The following DCP1A variants were observed in gnomAD, a reference collection of about 807,000 sequenced individuals.
The protein encoded by DCP1A is mRNA-decapping enzyme 1A.
Under a neutral mutation model 58.0 loss-of-function variants are expected in DCP1A, and 20 were observed. The observed-to-expected ratio is 0.34, with a 90% CI of 0.24 to 0.50. The LOEUF (loss-of-function observed/expected upper bound fraction) is 0.50, where lower values mean the gene tolerates loss of function less well. DCP1A is among the 20% of genes least tolerant of loss of function. The probability of loss-of-function intolerance (pLI) is 0.98; values close to 1 mark genes in which losing one functional copy is unlikely to be tolerated. For missense variants in DCP1A, 613 were observed against 712.2 expected (o/e 0.86, Z 1.59); for synonymous variants, 285 against 275.1 (o/e 1.04, Z -0.36).
At chr3:53,300,374 G>A (rs1364578184) in intron 6 of DCP1A, among the ~76,000 whole-genome samples, 2 of 128,474 alleles carry the variant, frequency 1.6e-5, no homozygotes, top group South Asian at 4.6e-4. Flanking sequence ...TTTCACTCTT[G>A]TTGGCCAGGC....
intron 6 of DCP1A, among the ~76,000 whole-genome samples, chr3:53,301,950 G>A (rs1393278323): frequency 6.6e-6 from 1 of 152,172 alleles, no homozygotes; most frequent in East Asian, 1.9e-4. Flanking sequence ...AAACGATGGC[G>A]GGATCGGGGA....
At chr3:53,315,066 C>CT (rs1310592208) in intron 4 of DCP1A, among the ~76,000 whole-genome samples, 1 of 152,138 alleles carries the variant, frequency 6.6e-6, no homozygotes, top group Non-Finnish European at 1.5e-5. Flanking sequence ...GGCTTGGACT[C>CT]TAAGGCCTCT....
At chr3:53,322,992 C>T (rs4404439) in intron 3 of DCP1A, among the ~76,000 whole-genome samples, 107,536 of 151,822 alleles carry the variant, frequency 0.71, 38,688 homozygotes, top group Non-Finnish European at 0.77. Context: ...ACCCGGCTAA[C>T]TTTTTGTATT....
chr3:53,301,218 A>G (rs1553687368), intron 6 of DCP1A, among the ~76,000 whole-genome samples: 1 of 152,154 alleles, frequency 6.6e-6, no homozygotes, highest in East Asian at 1.9e-4. Context: ...TTTTGGATAC[A>G]TTGTTGATGT....
At chr3:53,316,272 G>A (rs1156838309) in intron 4 of DCP1A, among the ~76,000 whole-genome samples, 1 of 152,208 alleles carries the variant, frequency 6.6e-6, no homozygotes, top group Non-Finnish European at 1.5e-5. Context: ...ACAGGTTTAT[G>A]CAGGCAGATT....
chr3:53,289,744 C>T (rs1706784223), intron 8 of DCP1A, among the ~76,000 whole-genome samples: 2 of 151,972 alleles, frequency 1.3e-5, no homozygotes, highest in African/African-American at 4.8e-5. Context: ...AGGCTAATTC[C>T]AGCTAATTAT....
chr3:53,306,966 C>T (rs184539557), intron 5 of DCP1A, among the ~76,000 whole-genome samples: 91 of 131,900 alleles, frequency 6.9e-4, no homozygotes, highest in Admixed American at 1.5e-3. Context: ...GGACTGAGTC[C>T]TGCTCTGTCA....
chr3:53,287,641 C>G lies in DCP1A; in HGVS notation c.1688G>C (p.Ser563Thr). 6.2e-7 allele frequency: 1 copy of G among 1,611,516 alleles called. No individual in the cohort carries two copies. The highest frequency in any genetic ancestry group is 8.5e-7 in the Non-Finnish European group (1 of 1,177,852). ...CTGCAAGTAGACTTCATGAAGTGTA[C>G]TGAGGAAGCTGGAATCATTCTAGAA... Reference protein sequence around the residue: ...HLIKNDSSFLSTLHEVYLQVL... With the variant: ...HLIKNDSSFLTTLHEVYLQVL... The change falls in exon 10 of 10, where the codon AGT becomes ACT. Residue 563 changes from serine (S) to threonine (T), a missense_variant. By Grantham distance (58) the Ser-to-Thr change is moderately conservative (BLOSUM62 1). Coordinates refer to ENST00000610213, the MANE Select transcript of DCP1A (RefSeq NM_018403.7).
At chr3:53,326,950 G>A (rs1479517112) in intron 3 of DCP1A, among the ~76,000 whole-genome samples, 1 of 150,470 alleles carries the variant, frequency 6.6e-6, no homozygotes, top group Non-Finnish European at 1.5e-5. Context: ...AATGATTACG[G>A]TTCTGCCAAA....
intron 3 of DCP1A, among the ~76,000 whole-genome samples, chr3:53,340,162 C>G (rs1553692381): frequency 1.3e-5 from 2 of 152,286 alleles, no homozygotes; most frequent in East Asian, 3.9e-4. Context: ...TGGGCTCAAG[C>G]AATCTGCTTG....
At chr3:53,312,921 C>A (rs1231754923) in intron 4 of DCP1A, among the ~76,000 whole-genome samples, 2 of 152,102 alleles carry the variant, frequency 1.3e-5, no homozygotes, top group Non-Finnish European at 2.9e-5. Flanking sequence ...ATACAGAATT[C>A]CTTCCTAGAG....
At position 53,318,857 on chromosome 3, in the gene DCP1A, T is replaced by G. The variant is rs2106849370; in HGVS notation, c.371+550A>C. On this transcript the variant is annotated intron_variant, in intron 4 of 9. Transcript: ENST00000610213. ...AATACAGATGTGTGTATGAGTTCTC[T>G]ATCAGGCTATCACATATGGTATCAC... Among the ~76,000 whole-genome samples, 4 of 152,350 alleles carry G rather than the reference T, an allele frequency of 2.6e-5. No homozygotes were observed. The South Asian group carries it at 8.3e-4, about 32-fold the overall frequency.
At chr3:53,298,818 T>A (rs1707218789) in intron 6 of DCP1A, among the ~76,000 whole-genome samples, 1 of 152,266 alleles carries the variant, frequency 6.6e-6, no homozygotes. Flanking sequence ...TGGTCAATGA[T>A]GGACTGCATA....
At chr3:53,332,575 A>C (rs1326815652) in intron 3 of DCP1A, among the ~76,000 whole-genome samples, 2 of 152,040 alleles carry the variant, frequency 1.3e-5, no homozygotes, top group Non-Finnish European at 2.9e-5. Context: ...ATTCTATTGA[A>C]ATTTCTAGGC....
chr3:53,326,980 C>A (rs1013300590), intron 3 of DCP1A, among the ~76,000 whole-genome samples: 10 of 149,780 alleles, frequency 6.7e-5, no homozygotes, highest in South Asian at 2.1e-4. Context: ...TGTCCAACCC[C>A]CCCCCCCCAA....
chr3:53,283,907 G>A lies in DCP1A; in HGVS notation c.*3673C>T, dbSNP rs1278628858. On this transcript the variant is annotated 3_prime_UTR_variant, in exon 10 of 10. Transcript: ENST00000610213. ...CATCTGTTGAATTTGCTGAAAAACA[G>A]GCTCCTCAAGGCCCTGGTCCACTCG... The A allele has an allele frequency of 4.6e-5, 7 of 152,168 alleles. No homozygotes were observed. The highest frequency in any genetic ancestry group is 1.3e-4 in the Admixed American group (2 of 15,266). The allele number at this position is 152,168 out of a possible 1,614,324, so 9.4% of individuals were successfully genotyped here.
intron 3 of DCP1A, among the ~76,000 whole-genome samples, chr3:53,326,510 G>C (rs748166434): frequency 2.0e-5 from 3 of 152,218 alleles, no homozygotes; most frequent in Non-Finnish European, 4.4e-5. Context: ...TTAGGAACCA[G>C]GCTGCACAGC....
chr3:53,308,445 C>A (rs554936855), intron 5 of DCP1A, among the ~76,000 whole-genome samples: 8 of 152,098 alleles, frequency 5.3e-5, no homozygotes, highest in Admixed American at 2.0e-4. Context: ...GTGCACACCA[C>A]CACACCTGGC....
chr3:53,305,497 G>A (rs570139056), intron 5 of DCP1A, among the ~76,000 whole-genome samples: 20 of 151,922 alleles, frequency 1.3e-4, no homozygotes, highest in Non-Finnish European at 2.6e-4. Flanking sequence ...TTACAGGCGC[G>A]CGCCACCACA....
Sources: allele counts gnomAD v4.1 joint callset (sites outside exome capture counted in the v4.1 genomes callset), GRCh38; gene constraint gnomAD v4.1.1; transcripts MANE v1.5; gene names NCBI Gene and HGNC (gene_info 2026-07-23, HGNC 2026-07-21).